UCN3: variants seen among roughly 807,000 people sequenced by gnomAD.
The protein encoded by UCN3 is urocortin 3.
Under a neutral mutation model 3.6 loss-of-function variants are expected in UCN3, and 3 were observed. That is an observed-to-expected ratio of 0.83 (90% CI 0.38 to 2.15). The LOEUF (loss-of-function observed/expected upper bound fraction) is 2.15. Among genes scored for constraint, UCN3 ranks in the 30% most tolerant of loss-of-function variants. The pLI, the probability that UCN3 is intolerant of heterozygous loss-of-function variation, is 0.06. For missense variants in UCN3, 206 were observed against 208.3 expected, an observed-to-expected ratio of 0.99 and a Z score of 0.07; for synonymous variants, 100 against 93.2, an observed-to-expected ratio of 1.07 and a Z score of -0.42.
intron 1 of UCN3, among the ~76,000 whole-genome samples, chr10:5,372,314 G>T (rs969930143): frequency 1.3e-5 from 2 of 152,144 alleles, no homozygotes; most frequent in East Asian, 3.8e-4. Context: ...AACTCTGACG[G>T]CCTCTGGCAC....
chr10:5,370,075 A>T (rs1198950782), intron 1 of UCN3, among the ~76,000 whole-genome samples: 1 of 79,882 alleles, frequency 1.3e-5, no homozygotes, highest in East Asian at 5.5e-4. Flanking sequence ...ATGTGTGTAT[A>T]TGCGTGTGTA....
chr10:5,370,223 G>GTGTGTGTATA (rs781842004), intron 1 of UCN3, among the ~76,000 whole-genome samples: 172 of 13,762 alleles, frequency 0.012, 49 homozygotes, highest in South Asian at 0.049. Flanking sequence ...GTGTGTGTAT[G>GTGTGTGTATA]TGCGTGTGTG....
At chr10:5,370,957 T>G (rs1228272374) in intron 1 of UCN3, among the ~76,000 whole-genome samples, 1 of 65,460 alleles carries the variant, frequency 1.5e-5, no homozygotes, top group Non-Finnish European at 3.3e-5. Context: ...GTGTGTAAGG[T>G]GTGTGTGTGT....
rs1459317182 is a variant in UCN3, at chr10:5,366,850, G to A, written c.-7+1620G>A. On this transcript the variant is annotated intron_variant, in intron 1 of 1. Transcript: ENST00000380433. This position sits in a 1 kb window ranked among gnomAD's most constrained non-coding sequence, Gnocchi z 4.2. ...GTGTGCAGGCTAGAGCTGAGGGTTT[G>A]CAGAGAGAGAAAGGTCTGCTACCTG... is the stretch of plus-strand genomic sequence containing the variant. Among the ~76,000 whole-genome samples the A allele has an allele frequency of 6.6e-6, 1 of 152,158 alleles. No individual in the cohort carries two copies. The highest frequency in any genetic ancestry group is 2.4e-5 in the African/African-American group (1 of 41,424).
In UCN3 at chr10:5,366,751, T is replaced by C. The variant is rs1554810726; in HGVS notation, c.-7+1521T>C. 6.6e-6 allele frequency among the ~76,000 whole-genome samples: 1 copy of C among 152,204 alleles called. No homozygotes were observed. Among genetic ancestry groups the C allele is most frequent in the Non-Finnish European group, 1.5e-5 (1 of 68,044 alleles). ...CCCTATCATGTCCAATTCACAGTTC[T>C]GGGAGGTTCCTTTGCTGTGTAACTT... On this transcript the variant is annotated intron_variant, in intron 1 of 1. Coordinates refer to ENST00000380433, the MANE Select transcript of UCN3 (RefSeq NM_053049.4). This position sits in a 1 kb window ranked among gnomAD's most constrained non-coding sequence, Gnocchi z 4.2.
chr10:5,367,689 A>G lies in UCN3; in HGVS notation c.-7+2459A>G, dbSNP rs1834129521. 6.6e-6 allele frequency among the ~76,000 whole-genome samples: 1 copy of G among 152,190 alleles called. No homozygotes were observed. Among genetic ancestry groups the G allele is most frequent in the Non-Finnish European group, 1.5e-5 (1 of 68,038 alleles). On this transcript the variant is annotated intron_variant, in intron 1 of 1. Transcript: ENST00000380433. This position sits in a 1 kb window ranked among gnomAD's most constrained non-coding sequence, Gnocchi z 4.3. Reference sequence around the variant, plus strand: ...GATAGACAGGTAAACTCAAGTGTTGATTTACACTAAAGGGCCAGTCCGTGT... The same window carrying G: ...GATAGACAGGTAAACTCAAGTGTTGGTTTACACTAAAGGGCCAGTCCGTGT...
chr10:5,370,343 G>GTGTGTA (rs1831356931), intron 1 of UCN3, among the ~76,000 whole-genome samples: 1 of 61,360 alleles, frequency 1.6e-5, no homozygotes, highest in Non-Finnish European at 2.8e-5. Context: ...GTGTATATGC[G>GTGTGTA]TGTGTATATG....
Position 5,367,351 on chromosome 10 carries a change from G to C in UCN3, c.-7+2121G>C, listed in dbSNP as rs10400089. On this transcript the variant is annotated intron_variant, in intron 1 of 1. Coordinates refer to ENST00000380433, the MANE Select transcript of UCN3 (RefSeq NM_053049.4). This position sits in a 1 kb window ranked among gnomAD's most constrained non-coding sequence, Gnocchi z 4.3. ...TGCCATATAAAAGATTTTTTCCTCT[G>C]TGATACGTAACAACATGATTTGCAG... Among the ~76,000 whole-genome samples, 17 of 152,150 alleles carry C rather than the reference G, an allele frequency of 1.1e-4. No individual in the cohort carries two copies. In the South Asian group the frequency reaches 3.3e-3, roughly 30 times the overall value.
At chr10:5,370,790 TA>T (rs1831396498) in intron 1 of UCN3, among the ~76,000 whole-genome samples, 2 of 140,200 alleles carry the variant, frequency 1.4e-5, no homozygotes, top group Non-Finnish European at 3.0e-5. Flanking sequence ...TGTGTGTGTG[TA>T]TGCGTGTGTA....
At chr10:5,370,098 TATGC>T (rs1554811097) in intron 1 of UCN3, among the ~76,000 whole-genome samples, 3 of 110,458 alleles carry the variant, frequency 2.7e-5, no homozygotes, top group East Asian at 6.8e-4. Context: ...TGCGTGTGTA[TATGC>T]GTGTGTATAT....
intron 1 of UCN3, among the ~76,000 whole-genome samples, chr10:5,373,097 T>G (rs1554811688): frequency 6.6e-6 from 1 of 152,206 alleles, no homozygotes; most frequent in Non-Finnish European, 1.5e-5. Context: ...CCAAGCTGAC[T>G]TTGGCTTCAT....
At chr10:5,370,968 G>C (rs1392003416) in intron 1 of UCN3, among the ~76,000 whole-genome samples, 1 of 148,744 alleles carries the variant, frequency 6.7e-6, no homozygotes, top group East Asian at 2.0e-4. Flanking sequence ...GTGTGTGTGT[G>C]TATGTATGTA....
In UCN3 at chr10:5,370,667, G is replaced by A. The variant is rs374864971; in HGVS notation, c.-6-3048G>A. 3.9e-3 allele frequency among the ~76,000 whole-genome samples: 182 copies of A among 46,940 alleles called. 21 individuals are homozygous for A. The highest frequency in any genetic ancestry group is 9.5e-3 in the African/African-American group (91 of 9,532). The allele number at this position is 46,940 out of a possible 152,430, so 30.8% of individuals were successfully genotyped here. On this transcript the variant is annotated intron_variant, in intron 1 of 1. Coordinates refer to ENST00000380433, the MANE Select transcript of UCN3 (RefSeq NM_053049.4). ...TATATGTGTGTGTATGTGTGTGTAT[G>A]TGTGTGTATGTGTGTGTGTATGTGT...
At position 5,370,591 on chromosome 10, in the gene UCN3, G is replaced by A. The variant is rs1311533386; in HGVS notation, c.-6-3124G>A. Among the ~76,000 whole-genome samples, 160 of 97,444 alleles carry A rather than the reference G, an allele frequency of 1.6e-3. 27 individuals carry two copies. The highest frequency in any genetic ancestry group is 1.3e-3 in the Non-Finnish European group (66 of 49,118). 63.9% of individuals were successfully genotyped at this position (97,444 alleles called of 152,430 possible). A position where few individuals can be genotyped will look rare whatever the true frequency, so the allele number is the denominator to read the frequency against. ...TATATGCGTGTATATGTGTGTATAT[G>A]TGTGTGTGTATGCGTGTGTATATGC... On this transcript the variant is annotated intron_variant, in intron 1 of 1. Transcript: ENST00000380433.
chr10:5,369,901 A>ATG lies in UCN3; in HGVS notation c.-6-3804_-6-3803dup, dbSNP rs1228009354. Among the ~76,000 whole-genome samples, 116 of 86,340 alleles carry ATG rather than the reference A, an allele frequency of 1.3e-3. 16 individuals carry two copies. Among genetic ancestry groups the ATG allele is most frequent in the African/African-American group, 6.4e-3 (110 of 17,292 alleles). 56.6% of individuals were successfully genotyped at this position (86,340 alleles called of 152,430 possible). A position where few individuals can be genotyped will look rare whatever the true frequency, so the allele number is the denominator to read the frequency against. The stretch of plus-strand genomic sequence containing the variant: ...TGTGTGTGTATATGTGTGTGTGTAT[A>ATG]TGTGTGTGTGTATATGTGTGTGTAT... On this transcript the variant is annotated intron_variant, in intron 1 of 1. Transcript: ENST00000380433.
In UCN3 at chr10:5,365,229, G is replaced by A. The variant is rs1287696248; in HGVS notation, c.-8G>A. ...TCGCTGCGGAGGGAAGTCCACTCTC[G>A]GGTAAGCTTGTGGCTGGGACTGACT... On this transcript the variant is annotated splice_region_variant and 5_prime_UTR_variant, in exon 1 of 2. Transcript: ENST00000380433. This position sits in a 1 kb window ranked among gnomAD's most constrained non-coding sequence, Gnocchi z 4.4. 6.6e-6 allele frequency: 1 copy of A among 152,378 alleles called. No individual in the cohort carries two copies. Among genetic ancestry groups the A allele is most frequent in the Non-Finnish European group, 1.5e-5 (1 of 68,188 alleles). The allele number at this position is 152,378 out of a possible 1,614,324, so 9.4% of individuals were successfully genotyped here. A position where few individuals can be genotyped will look rare whatever the true frequency, so the allele number is the denominator to read the frequency against.
Position 5,371,171 on chromosome 10 carries a change from A to G in UCN3, c.-6-2544A>G, listed in dbSNP as rs200677124. ...TGCATGTATATGTGTGTGCATGTGT[A>G]TGTATGTGCATATGTGTACGTGTGA... On this transcript the variant is annotated intron_variant, in intron 1 of 1. Coordinates refer to ENST00000380433, the MANE Select transcript of UCN3 (RefSeq NM_053049.4). Among the ~76,000 whole-genome samples, 1,248 of 149,982 alleles carry G rather than the reference A, an allele frequency of 8.3e-3. 31 individuals are homozygous for G. The East Asian group carries it at 0.09, about 11-fold the overall frequency.
intron 1 of UCN3, among the ~76,000 whole-genome samples, chr10:5,370,397 ATGTGTGTGTATATG>A (rs1831360984): frequency 2.9e-5 from 1 of 34,858 alleles, no homozygotes; most frequent in Non-Finnish European, 5.4e-5. Context: ...GCGTGTGTAT[ATGTGTGTGTATATG>A]TGTGTGTGTA....
chr10:5,371,397 T>A (rs1178219849), intron 1 of UCN3, among the ~76,000 whole-genome samples: 1 of 152,040 alleles, frequency 6.6e-6, no homozygotes, highest in Non-Finnish European at 1.5e-5. Flanking sequence ...TATGTGTATG[T>A]GTACCTGTTT....
Sources: allele counts gnomAD v4.1 joint callset (sites outside exome capture counted in the v4.1 genomes callset), GRCh38; gene constraint gnomAD v4.1.1; non-coding constraint Gnocchi (gnomAD v3.1); transcripts MANE v1.5; gene names NCBI Gene and HGNC (gene_info 2026-07-23, HGNC 2026-07-21).